Variants in FRY observed in about 807,000 individuals in gnomAD.
The protein encoded by FRY is FRY microtubule binding protein.
A neutral mutation model predicts 348.4 loss-of-function variants in FRY; 128 were observed. That is an observed-to-expected ratio of 0.37 (90% CI 0.32 to 0.43). The LOEUF (loss-of-function observed/expected upper bound fraction) is 0.43, where lower values mean the gene tolerates loss of function less well. FRY is among the 20% of genes least tolerant of loss of function. The pLI is 1.00. For synonymous variants in FRY, 1,370 were observed against 1,374.7 expected, an observed-to-expected ratio of 1.00 and a Z score of 0.08; for missense variants, 2,736 against 3,695.2, an observed-to-expected ratio of 0.74 and a Z score of 6.73.
At chr13:32,172,180 G>A (rs1416581151) in intron 18 of FRY, among the ~76,000 whole-genome samples, 1 of 151,836 alleles carries the variant, frequency 6.6e-6, no homozygotes, top group Non-Finnish European at 1.5e-5. Context: ...GTGGATGTGG[G>A]TGTGGGTGTG....
intron 35 of FRY, among the ~76,000 whole-genome samples, chr13:32,215,292 A>G (rs1003322832): frequency 1.3e-5 from 2 of 152,210 alleles, no homozygotes; most frequent in South Asian, 2.1e-4. Context: ...TGTTCCTAGC[A>G]TAAAGAAAAA....
chr13:32,294,970 GATATTTTACCAAAATA>G (rs1465880688), intron 60 of FRY, among the ~76,000 whole-genome samples: 7 of 151,994 alleles, frequency 4.6e-5, no homozygotes, highest in Non-Finnish European at 1.0e-4. Flanking sequence ...TTATACTTTT[GATATTTTACCAAAATA>G]ATATTCTAAA....
At chr13:32,190,703 A>G (rs890154332) in intron 28 of FRY, among the ~76,000 whole-genome samples, 1 of 152,158 alleles carries the variant, frequency 6.6e-6, no homozygotes, top group Non-Finnish European at 1.5e-5. Flanking sequence ...GGAAGAATAT[A>G]CCATGCTATT....
chr13:32,116,519 G>A (rs1237980893), intron 3 of FRY, among the ~76,000 whole-genome samples: 1 of 152,072 alleles, frequency 6.6e-6, no homozygotes, highest in Non-Finnish European at 1.5e-5. Context: ...TGCTTATGGG[G>A]CCGTACCTAA....
intron 11 of FRY, among the ~76,000 whole-genome samples, chr13:32,145,321 G>A (rs1880335840): frequency 6.6e-6 from 1 of 152,140 alleles, no homozygotes; most frequent in East Asian, 1.9e-4. Context: ...TGTTAGGAGG[G>A]TACTACAGCA....
rs1396580210 is a variant in FRY, at chr13:32,296,167, CTT to C, written c.*711_*712del. 6.6e-6 allele frequency: 1 copy of C among 152,662 alleles called. No individual in the cohort carries two copies. Among genetic ancestry groups the C allele is most frequent in the African/African-American group, 2.4e-5 (1 of 41,444 alleles). The allele number at this position is 152,662 out of a possible 1,614,324, so 9.5% of individuals were successfully genotyped here. A position where few individuals can be genotyped will look rare whatever the true frequency, so the allele number is the denominator to read the frequency against. On this transcript the variant is annotated 3_prime_UTR_variant, in exon 61 of 61. Coordinates refer to ENST00000542859, the MANE Select transcript of FRY (RefSeq NM_023037.3). ...GCACCAAAAATGGTCCAGATAGACT[CTT>C]TTTAAGGATCTTGGCTGCTTTTTAC...
At chr13:32,034,918 G>T (rs746005566) in intron 1 of FRY, among the ~76,000 whole-genome samples, 11 of 152,150 alleles carry the variant, frequency 7.2e-5, no homozygotes, top group Non-Finnish European at 1.6e-4. Flanking sequence ...TGTAAAAATG[G>T]CAGGGCCAAA....
intron 58 of FRY, among the ~76,000 whole-genome samples, chr13:32,287,416 T>C (rs1889132535): frequency 6.6e-6 from 1 of 152,230 alleles, no homozygotes; most frequent in Non-Finnish European, 1.5e-5. Flanking sequence ...GACATGAAAC[T>C]GAACATATTA....
intron 12 of FRY, 117 bp downstream of exon 12, chr13:32,147,502 A>C: frequency 2.8e-6 from 2 of 726,712 alleles, no homozygotes; most frequent in Non-Finnish European, 5.0e-6. Flanking sequence ...CAGTTTCTAA[A>C]AGATCTAAGT....
Position 32,239,591 on chromosome 13 carries a change from T to G in FRY, c.6517-120T>G. On this transcript the variant is annotated intron_variant, in intron 45 of 60. Transcript: ENST00000542859. This position sits in a 1 kb window ranked among gnomAD's most constrained non-coding sequence, Gnocchi z 4.3. ...TATTAGCCAAGCTAAGTATTTCCTGTAATTACCAAAAAGTGTATCAATCTA... is the reference window on the plus strand; with the variant it reads ...TATTAGCCAAGCTAAGTATTTCCTGGAATTACCAAAAAGTGTATCAATCTA... 1.3e-6 allele frequency: 1 copy of G among 761,670 alleles called. No individual in the cohort carries two copies. Among genetic ancestry groups the G allele is most frequent in the Middle Eastern group, 3.5e-4 (1 of 2,844 alleles). The allele number at this position is 761,670 out of a possible 1,614,324, so 47.2% of individuals were successfully genotyped here. A position where few individuals can be genotyped will look rare whatever the true frequency, so the allele number is the denominator to read the frequency against.
intron 28 of FRY, among the ~76,000 whole-genome samples, chr13:32,188,890 T>C (rs1883177015): frequency 6.6e-6 from 1 of 152,146 alleles, no homozygotes; most frequent in African/African-American, 2.4e-5. Flanking sequence ...GAACATTTGC[T>C]AAAGTTTAAT....
At chr13:32,290,985 C>T (rs534820611) in intron 59 of FRY, among the ~76,000 whole-genome samples, 3 of 152,222 alleles carry the variant, frequency 2.0e-5, no homozygotes, top group Admixed American at 2.0e-4. Context: ...TCAATGGCTG[C>T]ATACTGGACC....
chr13:32,056,468 C>T (rs1308362573), intron 1 of FRY, among the ~76,000 whole-genome samples: 1 of 152,166 alleles, frequency 6.6e-6, no homozygotes, highest in African/African-American at 2.4e-5. Flanking sequence ...CAAATGCTAC[C>T]TACAACTGTA....
chr13:32,248,070 T>C (rs1886894682), intron 48 of FRY, among the ~76,000 whole-genome samples: 1 of 152,180 alleles, frequency 6.6e-6, no homozygotes, highest in African/African-American at 2.4e-5. Flanking sequence ...TGATAGTCCA[T>C]GAACAAATAT....
At chr13:32,233,742 A>T (rs1480790798) in intron 41 of FRY, among the ~76,000 whole-genome samples, 1 of 152,262 alleles carries the variant, frequency 6.6e-6, no homozygotes, top group Middle Eastern at 3.2e-3. Flanking sequence ...ATGTGAAAAT[A>T]GCAGAGTAAT....
intron 39 of FRY, among the ~76,000 whole-genome samples, chr13:32,226,329 C>G (rs1412463563): frequency 5.3e-5 from 8 of 152,168 alleles, no homozygotes; most frequent in Admixed American, 4.6e-4. Context: ...TTGCTACTGC[C>G]TGAGAGCAGG....
chr13:32,217,157 G>A (rs1202582726), intron 35 of FRY, among the ~76,000 whole-genome samples: 3 of 152,170 alleles, frequency 2.0e-5, no homozygotes, highest in Non-Finnish European at 2.9e-5. Context: ...TCTGTTATGA[G>A]TTAAGTCAGA....
chr13:32,090,302 G>A (rs1334413537), intron 2 of FRY, among the ~76,000 whole-genome samples: 1 of 144,280 alleles, frequency 6.9e-6, no homozygotes, highest in Admixed American at 7.3e-5. Context: ...GAGCCGAGGT[G>A]GCACCACTGC....
At position 32,260,597 on chromosome 13, in the gene FRY, G is replaced by C. The variant is rs1276737574; in HGVS notation, c.7417-1019G>C. ...CAAATCAACAATAATATTTGGGGCC[G>C]GGTGCAGTGGCTCACGCCTGTAATC... On this transcript the variant is annotated intron_variant, in intron 51 of 60. Coordinates refer to ENST00000542859, the MANE Select transcript of FRY (RefSeq NM_023037.3). Among the ~76,000 whole-genome samples, 2 of 152,168 alleles carry C rather than the reference G, an allele frequency of 1.3e-5. 1 individual carries two copies. Among genetic ancestry groups the C allele is most frequent in the South Asian group, 4.1e-4 (2 of 4,836 alleles).
Sources: allele counts gnomAD v4.1 joint callset (sites outside exome capture counted in the v4.1 genomes callset), GRCh38; gene constraint gnomAD v4.1.1; non-coding constraint Gnocchi (gnomAD v3.1); transcripts MANE v1.5; gene names NCBI Gene and HGNC (gene_info 2026-07-23, HGNC 2026-07-21).